Variants in PBX1 observed in about 807,000 individuals in gnomAD.
PBX1 encodes the protein PBX homeobox 1, also known as pre-B-cell leukemia transcription factor 1.
Under a neutral mutation model 53.4 loss-of-function variants are expected in PBX1, and 6 were observed. That is an observed-to-expected ratio of 0.11 (90% CI 0.06 to 0.22). PBX1 has a LOEUF of 0.22. Among genes scored for constraint, PBX1 ranks in the 10% least tolerant of loss-of-function variants. The pLI is 1.00. For missense variants in PBX1, 251 were observed against 551.4 expected, an observed-to-expected ratio of 0.46 and a Z score of 5.46; for synonymous variants, 204 against 212.3, an observed-to-expected ratio of 0.96 and a Z score of 0.34.
chr1:164,823,917 G>A (rs926981172), intron 8 of PBX1, among the ~76,000 whole-genome samples: 1 of 152,224 alleles, frequency 6.6e-6, no homozygotes, highest in East Asian at 1.9e-4. Flanking sequence ...GGCTAAGCTT[G>A]TTATAGTGAG....
intron 2 of PBX1, among the ~76,000 whole-genome samples, chr1:164,665,194 C>T (rs907266348): frequency 2.6e-5 from 4 of 152,266 alleles, no homozygotes; most frequent in African/African-American, 9.6e-5. Flanking sequence ...AAAAATAATT[C>T]AGTCTGGCTA....
chr1:164,688,337 G>A (rs1006391266), intron 2 of PBX1, among the ~76,000 whole-genome samples: 4 of 152,182 alleles, frequency 2.6e-5, no homozygotes, highest in Admixed American at 2.6e-4. Context: ...TGATGTATTT[G>A]AGTACAGATC....
At chr1:164,651,463 G>A (rs1659815574) in intron 2 of PBX1, among the ~76,000 whole-genome samples, 1 of 152,084 alleles carries the variant, frequency 6.6e-6, no homozygotes, top group Non-Finnish European at 1.5e-5. Context: ...CAGAGAGCGG[G>A]CCCTGCAGTG....
At chr1:164,643,729 C>G (rs952726143) in intron 2 of PBX1, among the ~76,000 whole-genome samples, 3 of 152,082 alleles carry the variant, frequency 2.0e-5, no homozygotes, top group Non-Finnish European at 4.4e-5. Context: ...TACAAATAGC[C>G]AACGAAGAAG....
At chr1:164,784,020 A>G (rs1393048331) in intron 2 of PBX1, among the ~76,000 whole-genome samples, 1 of 152,196 alleles carries the variant, frequency 6.6e-6, no homozygotes, top group East Asian at 1.9e-4. Context: ...TTGCCGACCA[A>G]TGGCTCCACA....
At chr1:164,709,038 A>C (rs776996983) in intron 2 of PBX1, among the ~76,000 whole-genome samples, 2 of 152,216 alleles carry the variant, frequency 1.3e-5, no homozygotes, top group Non-Finnish European at 2.9e-5. Context: ...CCAGCAAATC[A>C]GCGATGGCAG....
rs1481083723 is a variant in PBX1 at position 164,827,574 on chromosome 1, A to G, written c.1200+5948A>G. Among the ~76,000 whole-genome samples, 6 of 152,342 alleles carry G rather than the reference A, an allele frequency of 3.9e-5. No individual in the cohort carries two copies. The East Asian group carries it at 9.6e-4, about 24-fold the overall frequency. On this transcript the variant is annotated intron_variant, in intron 8 of 8. Transcript: ENST00000420696. ...CTTCATGACAAAACTATTGGGAAAC[A>G]GAGTAAGTAAGTGCCTTTCCTTCTT...
intron 2 of PBX1, among the ~76,000 whole-genome samples, chr1:164,733,850 C>G (rs1361559183): frequency 6.6e-6 from 1 of 152,058 alleles, no homozygotes; most frequent in African/African-American, 2.4e-5. Context: ...CTAAACTTGA[C>G]CGACTAAAAG....
chr1:164,774,410 A>T (rs1667547058), intron 2 of PBX1: 1 of 152,194 alleles, frequency 6.6e-6, no homozygotes, highest in South Asian at 2.1e-4. Context: ...GTGAGGATAC[A>T]ATTCTTAAAA....
intron 2 of PBX1, among the ~76,000 whole-genome samples, chr1:164,883,297 A>T (rs1176460728): frequency 1.3e-5 from 2 of 152,212 alleles, no homozygotes; most frequent in African/African-American, 2.4e-5. Flanking sequence ...ATCTGTCTTC[A>T]GCTATTGTCA....
At chr1:164,755,200 G>T (rs1051974999) in intron 2 of PBX1, among the ~76,000 whole-genome samples, 2 of 152,134 alleles carry the variant, frequency 1.3e-5, no homozygotes, top group Non-Finnish European at 2.9e-5. Flanking sequence ...CACCCTTCTT[G>T]CCCAGGCTGG....
At position 164,821,518 on chromosome 1, in the gene PBX1, T is replaced by C; in HGVS notation, c.1111-19T>C. The stretch of plus-strand genomic sequence containing the variant: ...ACCTCTCTGACTAATTTTCTCTCTG[T>C]TATTGTTCATCTGTTTAGGTGGATA... On this transcript the variant is annotated intron_variant, in intron 7 of 8. Coordinates refer to ENST00000420696, the MANE Select transcript of PBX1 (RefSeq NM_002585.4). 2.5e-6 allele frequency: 4 copies of C among 1,599,278 alleles called. No homozygotes were observed. Among genetic ancestry groups the C allele is most frequent in the Non-Finnish European group, 3.4e-6 (4 of 1,166,486 alleles).
At chr1:164,662,337 C>G (rs1660537226) in intron 2 of PBX1, among the ~76,000 whole-genome samples, 1 of 152,124 alleles carries the variant, frequency 6.6e-6, no homozygotes, top group Non-Finnish European at 1.5e-5. Flanking sequence ...AACAAACAAA[C>G]AAAAACTTCT....
downstream of PBX1, among the ~76,000 whole-genome samples, chr1:164,856,252 G>A (rs933781275): frequency 1.3e-5 from 2 of 152,134 alleles, no homozygotes; most frequent in African/African-American, 4.8e-5. Flanking sequence ...TGCTGCTTCA[G>A]TATTAGCAGA....
At chr1:164,695,395 T>C (rs1662749734) in intron 2 of PBX1, among the ~76,000 whole-genome samples, 1 of 152,180 alleles carries the variant, frequency 6.6e-6, no homozygotes, top group Non-Finnish European at 1.5e-5. Flanking sequence ...ACAAATATAC[T>C]GAGTTACCTG....
chr1:164,570,036 A>G (rs1173500599), intron 2 of PBX1, among the ~76,000 whole-genome samples: 2 of 152,328 alleles, frequency 1.3e-5, no homozygotes, highest in African/African-American at 4.8e-5. Flanking sequence ...CTAGAATTGC[A>G]TATTAAGGAT....
intron 2 of PBX1, among the ~76,000 whole-genome samples, chr1:164,776,899 T>G (rs1006637691): frequency 1.3e-4 from 13 of 97,164 alleles, no homozygotes; most frequent in African/African-American, 5.5e-4. Context: ...GGTTTTACAT[T>G]TGTGTGTGTG....
At chr1:164,657,885 G>C (rs1442112273) in intron 2 of PBX1, among the ~76,000 whole-genome samples, 1 of 152,234 alleles carries the variant, frequency 6.6e-6, no homozygotes, top group Non-Finnish European at 1.5e-5. Flanking sequence ...GTGATGGACA[G>C]ATAGTCCCAG....
intron 2 of PBX1, chr1:164,680,141 A>T (rs1443929622): frequency 6.6e-6 from 1 of 152,232 alleles, no homozygotes; most frequent in African/African-American, 2.4e-5. Context: ...ATGGACCTAC[A>T]TGGTTTAATG....
Sources: gnomAD v4.1 joint callset for allele counts (sites outside exome capture counted in the v4.1 genomes callset) on GRCh38, gnomAD v4.1.1 for gene constraint, MANE v1.5 for transcripts, NCBI Gene and HGNC (gene_info 2026-07-23, HGNC 2026-07-21) for gene names.